Variants in TEN1 observed in about 807,000 individuals in gnomAD.
TEN1 encodes the protein TEN1 subunit of CST complex.
In TEN1, 6 loss-of-function variants were observed where a neutral mutation model predicts 9.3. The observed-to-expected ratio is 0.65, with a 90% CI of 0.35 to 1.27. The LOEUF (loss-of-function observed/expected upper bound fraction) is 1.27, where lower values mean the gene tolerates loss of function less well. Ranked by LOEUF, TEN1 falls within the 50% of genes most tolerant of loss-of-function variation. TEN1 has a pLI of 0.03. For missense variants in TEN1, 149 were observed against 158.2 expected, an observed-to-expected ratio of 0.94 and a Z score of 0.31; for synonymous variants, 65 against 65.6, an observed-to-expected ratio of 0.99 and a Z score of 0.04.
At chr17:75,996,052 C>G (rs2066216358) in intron 3 of TEN1, among the ~76,000 whole-genome samples, 1 of 151,982 alleles carries the variant, frequency 6.6e-6, no homozygotes, top group African/African-American at 2.4e-5. Flanking sequence ...GATCATGCCA[C>G]TGCACTCCAA....
At chr17:75,996,653 G>A (rs566071369) in intron 3 of TEN1, among the ~76,000 whole-genome samples, 23 of 145,588 alleles carry the variant, frequency 1.6e-4, no homozygotes, top group Middle Eastern at 3.7e-3. Flanking sequence ...AGATTGCAGT[G>A]AGCTGAGACT....
chr17:75,982,111 A>G (rs2066125238), intron 1 of TEN1, among the ~76,000 whole-genome samples: 1 of 152,146 alleles, frequency 6.6e-6, no homozygotes. Context: ...AAAAGAAATT[A>G]TCTGACCTAG....
intron 3 of TEN1, among the ~76,000 whole-genome samples, chr17:75,994,400 C>G (rs1253518246): frequency 1.3e-5 from 2 of 150,464 alleles, no homozygotes; most frequent in Non-Finnish European, 3.0e-5. Flanking sequence ...CACCATTGCA[C>G]TCCAGCCTGG....
rs954290114 is a variant in TEN1 at position 75,995,701 on chromosome 17, C to T, written c.250+4078C>T. On this transcript the variant is annotated intron_variant, in intron 3 of 3. Transcript: ENST00000397640. ...CTCGGAGCATGCCCAGGCTGAAGGG[C>T]ACTGGACCACAGCAAACAGCAAGCA... is the stretch of plus-strand genomic sequence containing the variant. Among the ~76,000 whole-genome samples the T allele has an allele frequency of 2.0e-5, 3 of 152,186 alleles. No individual in the cohort carries two copies. The East Asian group carries it at 5.8e-4, about 29-fold the overall frequency.
chr17:75,986,242 C>T lies in TEN1; in HGVS notation c.50C>T (p.Ala17Val), dbSNP rs759172427. 209 of 1,549,902 alleles carry T rather than the reference C, an allele frequency of 1.3e-4. No homozygotes were observed. Among genetic ancestry groups the T allele is most frequent in the Non-Finnish European group, 1.7e-4 (200 of 1,146,220 alleles). ...GTYYLPWEVS[A>V]GQVPDGSTLR... is the part of the protein sequence containing the mutation. ...TATTACCTCCCCTGGGAGGTTAGTGCAGGCCAAGTTCCTGATGGGAGCACG... is the reference window on the plus strand; with the variant it reads ...TATTACCTCCCCTGGGAGGTTAGTGTAGGCCAAGTTCCTGATGGGAGCACG... Residue 17 changes from alanine (A) to valine (V), a missense_variant, in exon 2 of 4, where the codon GCA becomes GTA. Transcript: ENST00000397640.
chr17:75,985,903 A>G (rs1285643768), intron 1 of TEN1, among the ~76,000 whole-genome samples: 1 of 148,202 alleles, frequency 6.7e-6, no homozygotes, highest in Non-Finnish European at 1.5e-5. Context: ...TATATTTTTT[A>G]TTATACTTTA....
chr17:75,985,241 G>A (rs1252243918), intron 1 of TEN1, among the ~76,000 whole-genome samples: 1 of 152,164 alleles, frequency 6.6e-6, no homozygotes. Flanking sequence ...TCAACCTCCT[G>A]TGGTGGTGAT....
chr17:75,987,784 G>C (rs2066160645), intron 2 of TEN1, among the ~76,000 whole-genome samples: 1 of 151,864 alleles, frequency 6.6e-6, no homozygotes, highest in Non-Finnish European at 1.5e-5. Flanking sequence ...GGGCTTGGTG[G>C]TGGGTGCCTA....
At chr17:75,986,046 T>A (rs8073730) in intron 1 of TEN1, 141 bp from the exon 2 acceptor site, 120,023 of 528,188 alleles carry the variant, frequency 0.23, 12,312 homozygotes, top group Middle Eastern at 0.28. Flanking sequence ...CCCCAAAAAA[T>A]TTTTTTTTTA....
chr17:75,986,163 T>C (rs1198010137), intron 1 of TEN1, 24 bp from the exon 2 acceptor site: 1 of 1,514,378 alleles, frequency 6.6e-7, no homozygotes, highest in Non-Finnish European at 8.9e-7. Context: ...ATCTTCAAAA[T>C]CCCTCTCAAC....
intron 2 of TEN1, among the ~76,000 whole-genome samples, chr17:75,991,169 G>GAAAA (rs1338855929): frequency 9.2e-6 from 1 of 109,028 alleles, no homozygotes; most frequent in African/African-American, 3.9e-5. Context: ...AAAAAAAAAA[G>GAAAA]AAAAAAGAAA....
At chr17:75,994,049 G>A (rs2066203667) in intron 3 of TEN1, among the ~76,000 whole-genome samples, 1 of 151,992 alleles carries the variant, frequency 6.6e-6, no homozygotes, top group Non-Finnish European at 1.5e-5. Flanking sequence ...AGCTAATCAG[G>A]CCTCAGAGGA....
Position 76,000,278 on chromosome 17 carries a change from C to A in TEN1, c.*16C>A. 6.5e-7 allele frequency: 1 copy of A among 1,549,106 alleles called. No homozygotes were observed. Among genetic ancestry groups the A allele is most frequent in the Non-Finnish European group, 8.7e-7 (1 of 1,145,668 alleles). On this transcript the variant is annotated 3_prime_UTR_variant, in exon 4 of 4. Coordinates refer to ENST00000397640, the MANE Select transcript of TEN1 (RefSeq NM_001113324.3). This position sits in a 1 kb window ranked among gnomAD's most constrained non-coding sequence, Gnocchi z 5.9. ...CAGCCAGTAGGAAACAGCAGCCTAG[C>A]AACACCCTCACCTGCTTCAGAGCCC...
chr17:75,996,345 C>T (rs147690594), intron 3 of TEN1, among the ~76,000 whole-genome samples: 173 of 152,024 alleles, frequency 1.1e-3, no homozygotes, highest in African/African-American at 4.0e-3. Flanking sequence ...ATTAGCTGAG[C>T]GTGGTGGCAC....
At chr17:75,980,674 C>T (rs1366421328) in intron 1 of TEN1, among the ~76,000 whole-genome samples, 2 of 152,212 alleles carry the variant, frequency 1.3e-5, no homozygotes, top group African/African-American at 4.8e-5. Flanking sequence ...CCACCTGCCT[C>T]GGCCTCCCAA....
intron 2 of TEN1, among the ~76,000 whole-genome samples, chr17:75,987,212 C>T (rs866010441): frequency 6.6e-6 from 1 of 152,170 alleles, no homozygotes; most frequent in Non-Finnish European, 1.5e-5. Flanking sequence ...GGCTCAGGGT[C>T]GCTCATGGGA....
rs912266597 is a variant in TEN1, at chr17:76,000,576, G to A, written c.*314G>A. The A allele has an allele frequency of 2.5e-5, 7 of 280,844 alleles. No homozygotes were observed. Among genetic ancestry groups the A allele is most frequent in the South Asian group, 5.7e-5 (1 of 17,396 alleles). The allele number at this position is 280,844 out of a possible 1,614,324, so 17.4% of individuals were successfully genotyped here. A position where few individuals can be genotyped will look rare whatever the true frequency, so the allele number is the denominator to read the frequency against. On this transcript the variant is annotated 3_prime_UTR_variant, in exon 4 of 4. Transcript: ENST00000397640. This position sits in a 1 kb window ranked among gnomAD's most constrained non-coding sequence, Gnocchi z 5.9. ...CCTGGTGAATAAAGGCCCAGGGGGC[G>A]TGCTCTTGAAGTGTGCTCGTGGTGC...
chr17:75,990,104 G>A (rs2066176223), intron 2 of TEN1, among the ~76,000 whole-genome samples: 1 of 150,460 alleles, frequency 6.6e-6, no homozygotes, highest in Non-Finnish European at 1.5e-5. Flanking sequence ...GGAGTGCAGT[G>A]GTACGATCTC....
chr17:75,986,115 G>A, intron 1 of TEN1, 72 bp from the exon 2 acceptor site: 2 of 1,207,228 alleles, frequency 1.7e-6, no homozygotes, highest in East Asian at 2.7e-5. Flanking sequence ...TCATATATCT[G>A]CTAATCTCTG....
Sources: allele counts gnomAD v4.1 joint callset (sites outside exome capture counted in the v4.1 genomes callset), GRCh38; gene constraint gnomAD v4.1.1; non-coding constraint Gnocchi (gnomAD v3.1); transcripts MANE v1.5; gene names NCBI Gene and HGNC (gene_info 2026-07-23, HGNC 2026-07-21).